The following CEP120 variants were observed in gnomAD, a reference collection of about 807,000 sequenced individuals.
The protein encoded by CEP120 is centrosomal protein 120, also known as centrosomal protein of 120 kDa.
Under a neutral mutation model 126.5 loss-of-function variants are expected in CEP120, and 113 were observed. The ratio of observed to expected loss-of-function variants is 0.89; its 90% CI spans 0.77 to 1.04. The LOEUF (loss-of-function observed/expected upper bound fraction) is 1.04. Ranked by LOEUF, CEP120 falls within the 50% of genes least tolerant of loss-of-function variation. CEP120 has a pLI of 0.00. For missense variants in CEP120, 1,230 were observed against 1,155.7 expected, an observed-to-expected ratio of 1.06 and a Z score of -0.93; for synonymous variants, 400 against 394.3, an observed-to-expected ratio of 1.01 and a Z score of -0.17.
Position 123,393,289 on chromosome 5 carries a change from G to C in CEP120, c.810+11C>G. The C allele has an allele frequency of 6.2e-7, 1 of 1,613,500 alleles. No individual in the cohort carries two copies. The highest frequency in any genetic ancestry group is 8.5e-7 in the Non-Finnish European group (1 of 1,179,492). ...CACCTCCAGCTAAAAACGATTTGCT[G>C]CAATACTCACCTGCAGTTTAGACTG... On this transcript the variant is annotated intron_variant, in intron 6 of 19. Transcript: ENST00000306467.
intron 4 of CEP120, chr5:123,401,996 G>A (rs1773280010): frequency 1.2e-6 from 2 of 1,605,720 alleles, no homozygotes; most frequent in Admixed American, 1.7e-5. Flanking sequence ...CCAGCATCTT[G>A]TTCTGCTGCT....
intron 2 of CEP120, among the ~76,000 whole-genome samples, chr5:123,417,422 G>A (rs968912892): frequency 6.6e-6 from 1 of 151,908 alleles, no homozygotes; most frequent in South Asian, 2.1e-4. Context: ...TGCTTTTATT[G>A]TTGTTGCCTG....
chr5:123,385,592 C>T (rs905153908), intron 10 of CEP120, among the ~76,000 whole-genome samples: 5 of 151,070 alleles, frequency 3.3e-5, no homozygotes, highest in African/African-American at 7.3e-5. Flanking sequence ...CATAATGTAT[C>T]CCTATCTTTA....
intron 18 of CEP120, among the ~76,000 whole-genome samples, chr5:123,361,607 G>A (rs141533078): frequency 1.0e-3 from 159 of 151,804 alleles, no homozygotes; most frequent in Admixed American, 2.0e-3. Flanking sequence ...TCTACAGAAC[G>A]TCTATCACTG....
chr5:123,359,516 A>G (rs1324541719), intron 18 of CEP120, among the ~76,000 whole-genome samples: 1 of 152,066 alleles, frequency 6.6e-6, no homozygotes, highest in Admixed American at 6.6e-5. Flanking sequence ...CAATTCAAGT[A>G]TTTGTTTTGG....
In CEP120 at chr5:123,378,256, A is replaced by G. The variant is rs558240258; in HGVS notation, c.2196+80T>C. On this transcript the variant is annotated intron_variant, in intron 15 of 19. Coordinates refer to ENST00000306467, the MANE Select transcript of CEP120 (RefSeq NM_001375405.1). The stretch of plus-strand genomic sequence containing the variant: ...CCCTTCTCTCTCGGGACTCTTTTGC[A>G]TCTAACTTTTAAAATAGTATTTCTA... 4.5e-5 allele frequency: 47 copies of G among 1,054,984 alleles called. 1 individual carries two copies. In the African/African-American group the frequency reaches 5.5e-4, roughly 12 times the overall value. The allele number at this position is 1,054,984 out of a possible 1,614,324, so 65.4% of individuals were successfully genotyped here. A position where few individuals can be genotyped will look rare whatever the true frequency, so the allele number is the denominator to read the frequency against.
At chr5:123,422,907 C>G (rs1774811555) in intron 1 of CEP120, 43 bp downstream of exon 1, 1 of 1,584,254 alleles carries the variant, frequency 6.3e-7, no homozygotes, top group African/African-American at 1.3e-5. Context: ...GCTTTTAAAA[C>G]TCGGGAGGCA....
In CEP120 at chr5:123,391,205, T is replaced by C. The variant is rs1044626513; in HGVS notation, c.943A>G (p.Asn315Asp). The part of the protein sequence containing the change: ...VEGAFTLDPP[N>D]RAKQKLAPIP... The stretch of plus-strand genomic sequence containing the variant: ...GGTGCAAGCTTCTGTTTGGCTCTGT[T>C]TGGAGGGTCAAGGGTAAAAGCACCT... The change falls in exon 7 of 20, where the codon AAC becomes GAC. Residue 315 changes from asparagine to aspartate, a missense_variant. Transcript: ENST00000306467. 7 of 1,614,000 alleles carry C rather than the reference T, an allele frequency of 4.3e-6. No homozygotes were observed. The South Asian group carries it at 4.4e-5, about 10-fold the overall frequency.
At chr5:123,354,539 T>C (rs1769427533) in intron 18 of CEP120, among the ~76,000 whole-genome samples, 1 of 152,074 alleles carries the variant, frequency 6.6e-6, no homozygotes, top group African/African-American at 2.4e-5. Flanking sequence ...TTTAGCTCTA[T>C]TAATTTTTTT....
chr5:123,360,875 A>G (rs537228039), intron 18 of CEP120, among the ~76,000 whole-genome samples: 1 of 151,940 alleles, frequency 6.6e-6, no homozygotes, highest in South Asian at 2.1e-4. Context: ...TATTCAGAAC[A>G]CTGTTTACTT....
At chr5:123,414,261 G>C (rs893133508) in intron 3 of CEP120, among the ~76,000 whole-genome samples, 4 of 152,134 alleles carry the variant, frequency 2.6e-5, no homozygotes, top group Non-Finnish European at 4.4e-5. Context: ...AACATCAAGA[G>C]CCCAATCAAA....
chr5:123,354,542 A>AT (rs1316051481), intron 18 of CEP120, among the ~76,000 whole-genome samples: 3 of 151,634 alleles, frequency 2.0e-5, no homozygotes, highest in Non-Finnish European at 4.4e-5. Flanking sequence ...AGCTCTATTA[A>AT]TTTTTTTTAT....
intron 4 of CEP120, among the ~76,000 whole-genome samples, chr5:123,411,697 AATGAATAGGTGGAGCACAG>A (rs1342540774): frequency 6.6e-6 from 1 of 152,226 alleles, no homozygotes. Flanking sequence ...AGGAGGGAGG[AATGAATAGGTGGAGCACAG>A]ATGATTTTTA....
chr5:123,374,356 A>G (rs1240475925), intron 16 of CEP120, among the ~76,000 whole-genome samples: 1 of 152,166 alleles, frequency 6.6e-6, no homozygotes, highest in East Asian at 1.9e-4. Flanking sequence ...TAATGCTTTC[A>G]TTAAAGCAGT....
chr5:123,382,007 C>T, intron 14 of CEP120, 104 bp downstream of exon 14: 1 of 729,958 alleles, frequency 1.4e-6, no homozygotes, highest in Non-Finnish European at 2.2e-6. Context: ...CAACATATCA[C>T]CACTAAAATT....
intron 3 of CEP120, among the ~76,000 whole-genome samples, chr5:123,414,159 C>A (rs908321745): frequency 9.2e-5 from 14 of 152,250 alleles, no homozygotes; most frequent in South Asian, 6.2e-4. Context: ...TCAGATACCC[C>A]CCTAAGAGGA....
chr5:123,409,665 A>T (rs968554086), intron 4 of CEP120, among the ~76,000 whole-genome samples: 4 of 152,296 alleles, frequency 2.6e-5, no homozygotes, highest in South Asian at 4.1e-4. Context: ...AACAAAAAGA[A>T]TTTTAAAAAA....
chr5:123,368,219 C>A (rs1190985760), intron 17 of CEP120, among the ~76,000 whole-genome samples: 1 of 151,834 alleles, frequency 6.6e-6, no homozygotes, highest in Admixed American at 6.6e-5. Flanking sequence ...GTCAACCAGT[C>A]TGTATTCAGG....
chr5:123,388,380 G>C (rs1431053725), intron 9 of CEP120, 52 bp downstream of exon 9: 4 of 1,276,122 alleles, frequency 3.1e-6, no homozygotes, highest in African/African-American at 1.5e-5. Flanking sequence ...CCAAACACAG[G>C]AAAGTCCTTT....
Sources: allele counts gnomAD v4.1 joint callset (sites outside exome capture counted in the v4.1 genomes callset), GRCh38; gene constraint gnomAD v4.1.1; transcripts MANE v1.5; gene names NCBI Gene and HGNC (gene_info 2026-07-23, HGNC 2026-07-21).